The following PYGL variants were observed in gnomAD, a reference collection of about 807,000 sequenced individuals.
PYGL encodes glycogen phosphorylase, liver form.
Under a neutral mutation model 100.1 loss-of-function variants are expected in PYGL, and 90 were observed. The ratio of observed to expected loss-of-function variants is 0.90; its 90% CI spans 0.76 to 1.07. The LOEUF is 1.07. Among genes scored for constraint, PYGL ranks in the 50% least tolerant of loss-of-function variants. PYGL has a pLI of 0.00. For missense variants in PYGL, 1,016 were observed against 1,057.6 expected (o/e 0.96, Z 0.55); for synonymous variants, 373 against 393.0 (o/e 0.95, Z 0.60).
At chr14:50,925,304 A>G (rs986687791) in intron 4 of PYGL, among the ~76,000 whole-genome samples, 4 of 152,234 alleles carry the variant, frequency 2.6e-5, no homozygotes, top group African/African-American at 9.6e-5. Flanking sequence ...TTATGGGACC[A>G]CTATTGCATA....
chr14:50,911,063 A>G (rs939935605), intron 16 of PYGL, among the ~76,000 whole-genome samples: 4 of 152,208 alleles, frequency 2.6e-5, no homozygotes, highest in Admixed American at 6.5e-5. Context: ...CAAAAAGAAA[A>G]AGCTCCCTTT....
At chr14:50,944,092 C>G in intron 1 of PYGL, 69 bp downstream of exon 1, 1 of 1,523,162 alleles carries the variant, frequency 6.6e-7, no homozygotes, top group East Asian at 2.4e-5. Flanking sequence ...TCCACCTCGT[C>G]CCGCCCGGCC....
At position 50,913,133 on chromosome 14, in the gene PYGL, T is replaced by C; in HGVS notation, c.1519-3A>G. ...TTCACATAGTCTTCTCCAATTTTCT[T>C]TCAATTCAAAGGAAAAGATGACTTC... On this transcript the variant is annotated splice_polypyrimidine_tract_variant and splice_region_variant and intron_variant, in intron 12 of 19. Transcript: ENST00000216392. 1 of 1,613,062 alleles carries C rather than the reference T, an allele frequency of 6.2e-7. No individual in the cohort carries two copies. Among genetic ancestry groups the C allele is most frequent in the Non-Finnish European group, 8.5e-7 (1 of 1,179,294 alleles).
chr14:50,940,954 G>A (rs1596054687), intron 1 of PYGL, among the ~76,000 whole-genome samples: 1 of 152,222 alleles, frequency 6.6e-6, no homozygotes, highest in African/African-American at 2.4e-5. Flanking sequence ...GACACTGCAA[G>A]TGAATCGGGG....
chr14:50,910,069 GA>G lies in PYGL; in HGVS notation c.2002del (p.Ser668ProfsTer13). 1 of 1,614,138 alleles carries G rather than the reference GA, an allele frequency of 6.2e-7. No individual in the cohort carries two copies. The highest frequency in any genetic ancestry group is 8.5e-7 in the Non-Finnish European group (1 of 1,179,978). On this transcript the variant is annotated frameshift_variant, in exon 17 of 20. Transcript: ENST00000216392. LOFTEE classifies it high-confidence loss of function. ...CCCCGAGGCTTCGGTGCCTGCAGTGGAAATCTGCTCTGACAGATCTGTGGCT... is the reference window on the plus strand; with the variant it reads ...CCCCGAGGCTTCGGTGCCTGCAGTGGAATCTGCTCTGACAGATCTGTGGCT... ...IPATDLSEQI[S>X]TAGTEASGTG...
Position 50,911,987 on chromosome 14 carries a change from A to C in PYGL, c.1818T>G (p.Ile606Met). ...KKLFVPRTVI[I>M]GGKAAPGYHM... ...AATAGATTCAACTTACTTTACCACC[A>C]ATGATAACTGTCCTTGGCACGAATA... The change falls in exon 15 of 20, where the codon ATT becomes ATG. Residue 606 changes from isoleucine (I) to methionine (M), a missense_variant. Transcript: ENST00000216392. The C allele has an allele frequency of 1.2e-6, 2 of 1,613,794 alleles. No individual in the cohort carries two copies. The highest frequency in any genetic ancestry group is 1.7e-6 in the Non-Finnish European group (2 of 1,179,696).
intron 5 of PYGL, among the ~76,000 whole-genome samples, chr14:50,922,937 G>A (rs1304571608): frequency 6.6e-6 from 1 of 152,300 alleles, no homozygotes; most frequent in South Asian, 2.1e-4. Context: ...AAACTGACAC[G>A]TGACTGTGTC....
intron 8 of PYGL, 62 bp from the exon 9 acceptor site, chr14:50,916,796 C>T (rs560493664): frequency 6.4e-7 from 1 of 1,562,918 alleles, no homozygotes; most frequent in East Asian, 2.2e-5. Flanking sequence ...CTTCTTTGTC[C>T]TAACACATCT....
At chr14:50,914,233 T>A (rs1172977806) in intron 12 of PYGL, among the ~76,000 whole-genome samples, 5 of 152,192 alleles carry the variant, frequency 3.3e-5, no homozygotes, top group Non-Finnish European at 7.3e-5. Context: ...TGATGGCTCA[T>A]GCCTGTATTC....
intron 4 of PYGL, among the ~76,000 whole-genome samples, chr14:50,925,995 C>A (rs1291518584): frequency 6.6e-6 from 1 of 152,098 alleles, no homozygotes; most frequent in African/African-American, 2.4e-5. Flanking sequence ...GTCCCTGAAC[C>A]CCACAAAGAG....
At position 50,917,062 on chromosome 14, in the gene PYGL, A is replaced by G; in HGVS notation, c.899T>C (p.Val300Ala). 6.2e-7 allele frequency: 1 copy of G among 1,613,990 alleles called. No individual in the cohort carries two copies. Among genetic ancestry groups the G allele is most frequent in the Non-Finnish European group, 8.5e-7 (1 of 1,179,794 alleles). The change falls in exon 8 of 20, where the codon GTG becomes GCG. Residue 300 changes from valine (V) to alanine (A), a missense_variant. Coordinates refer to ENST00000216392, the MANE Select transcript of PYGL (RefSeq NM_002863.5). ...KELRLKQEYF[V>A]VAATLQDIIR... ...GATATCTTGCAAGGTTGCAGCCACC[A>G]CAAAGTATTCCTGCTTCAATCTTAG...
At chr14:50,928,361 G>A (rs1488963684) in intron 4 of PYGL, among the ~76,000 whole-genome samples, 2 of 152,148 alleles carry the variant, frequency 1.3e-5, no homozygotes, top group East Asian at 3.8e-4. Flanking sequence ...GTGATAATTA[G>A]AAGCTTGCTG....
intron 10 of PYGL, 23 bp downstream of exon 10, chr14:50,915,802 G>GA (rs777727400): frequency 1.9e-6 from 3 of 1,609,860 alleles, no homozygotes; most frequent in Admixed American, 1.7e-5. Context: ...CATGAACAGA[G>GA]AAAATCTCTC....
intron 3 of PYGL, among the ~76,000 whole-genome samples, chr14:50,933,960 C>T (rs1205212096): frequency 6.6e-6 from 1 of 152,150 alleles, no homozygotes; most frequent in South Asian, 2.1e-4. Context: ...GAAAGTACAT[C>T]TAGGTCAATT....
intron 16 of PYGL, 76 bp from the exon 17 acceptor site, chr14:50,910,178 G>T (rs1366753591): frequency 6.8e-7 from 1 of 1,467,792 alleles, no homozygotes; most frequent in East Asian, 2.3e-5. Flanking sequence ...CATTTATTAA[G>T]TTGGGCTGTT....
intron 13 of PYGL, 39 bp downstream of exon 13, chr14:50,912,990 G>A (rs958325219): frequency 2.6e-6 from 4 of 1,566,898 alleles, no homozygotes; most frequent in Non-Finnish European, 1.8e-6. Context: ...AACTCTCACA[G>A]TGAGTGCCCA....
intron 7 of PYGL, among the ~76,000 whole-genome samples, chr14:50,918,327 A>G (rs550026907): frequency 6.6e-6 from 1 of 152,348 alleles, no homozygotes; most frequent in East Asian, 1.9e-4. Context: ...CAATCCCACT[A>G]CTGGATATCT....
In PYGL at chr14:50,915,491, C is replaced by A. The variant is rs1365982909; in HGVS notation, c.1248G>T (p.Val416=). The change falls in exon 11 of 20, where the codon GTG becomes GTT. Residue 416 remains valine, a synonymous_variant. Transcript: ENST00000216392. ...GGTCCACATCTTTAGGAAACAAGGC[C>A]ACAATTCTCTAGCCAAAGGAAGAGA... The part of the protein sequence containing the change: ...EINQKHLDRI[V]ALFPKDVDRL... 1 of 1,614,160 alleles carries A rather than the reference C, an allele frequency of 6.2e-7. No individual in the cohort carries two copies. The highest frequency in any genetic ancestry group is 8.5e-7 in the Non-Finnish European group (1 of 1,180,034).
At chr14:50,912,933 AAC>A in intron 13 of PYGL, 94 bp downstream of exon 13, 1 of 1,158,090 alleles carries the variant, frequency 8.6e-7, no homozygotes, top group Non-Finnish European at 1.3e-6. Context: ...CAGCCTGGGC[AAC>A]AGAGCGAGAC....
Sources: gnomAD v4.1 joint callset for allele counts (sites outside exome capture counted in the v4.1 genomes callset) on GRCh38, gnomAD v4.1.1 for gene constraint, MANE v1.5 for transcripts, NCBI Gene and HGNC (gene_info 2026-07-23, HGNC 2026-07-21) for gene names.